Variants in CAV1 observed in about 807,000 individuals in gnomAD.
The protein encoded by CAV1 is caveolin 1.
Under a neutral mutation model 16.5 loss-of-function variants are expected in CAV1, and 10 were observed. The ratio of observed to expected loss-of-function variants is 0.61; its 90% CI spans 0.37 to 1.03. The LOEUF (loss-of-function observed/expected upper bound fraction) is 1.03. Among genes scored for constraint, CAV1 ranks in the 50% least tolerant of loss-of-function variants. CAV1 has a pLI of 0.01. For missense variants in CAV1, 212 were observed against 232.8 expected, an observed-to-expected ratio of 0.91 and a Z score of 0.58; for synonymous variants, 76 against 85.1, an observed-to-expected ratio of 0.89 and a Z score of 0.59.
chr7:116,542,166 G>A (rs1463983268), intron 2 of CAV1, among the ~76,000 whole-genome samples: 2 of 152,332 alleles, frequency 1.3e-5, no homozygotes, highest in South Asian at 2.1e-4. Context: ...TGGCAAGCCT[G>A]CCCATCCACT....
At chr7:116,527,892 A>T (rs999213984) in intron 2 of CAV1, among the ~76,000 whole-genome samples, 2 of 151,716 alleles carry the variant, frequency 1.3e-5, no homozygotes, top group African/African-American at 4.8e-5. Flanking sequence ...GTCAGAATTG[A>T]CTCCCTTGGC....
intron 1 of CAV1, 156 bp downstream of exon 1, chr7:116,525,248 G>A (rs1181740481): frequency 3.1e-6 from 5 of 1,606,056 alleles, no homozygotes; most frequent in Non-Finnish European, 4.3e-6. Context: ...ATGGGCCTGG[G>A]CGGGGAGGTG....
intron 2 of CAV1, among the ~76,000 whole-genome samples, chr7:116,536,475 A>G (rs189160749): frequency 6.6e-6 from 1 of 152,332 alleles, no homozygotes; most frequent in East Asian, 1.9e-4. Flanking sequence ...GAGAGTTCTC[A>G]GCAGTCTCCA....
intron 2 of CAV1, among the ~76,000 whole-genome samples, chr7:116,532,295 G>T (rs953446763): frequency 6.6e-6 from 1 of 152,186 alleles, no homozygotes; most frequent in Non-Finnish European, 1.5e-5. Context: ...GCCCACTCAA[G>T]TCCATAAAAT....
intron 2 of CAV1, among the ~76,000 whole-genome samples, chr7:116,546,702 A>AAAAAAAAAT (rs754539592): frequency 1.4e-5 from 2 of 142,952 alleles, no homozygotes; most frequent in African/African-American, 5.3e-5. Flanking sequence ...TGTCACAAAA[A>AAAAAAAAAT]AAAAAAAAAA....
chr7:116,546,607 G>A (rs1794052280), intron 2 of CAV1, among the ~76,000 whole-genome samples: 1 of 150,964 alleles, frequency 6.6e-6, no homozygotes. Flanking sequence ...TGAGGCAGGA[G>A]AATCGCTTGA....
chr7:116,550,553 A>G (rs1794138576), intron 2 of CAV1, among the ~76,000 whole-genome samples: 1 of 152,182 alleles, frequency 6.6e-6, no homozygotes, highest in South Asian at 2.1e-4. Context: ...CAATTAGAGC[A>G]AAGTTCCTAT....
chr7:116,525,255 G>T, intron 1 of CAV1, 163 bp downstream of exon 1: 1 of 1,601,676 alleles, frequency 6.2e-7, no homozygotes. Context: ...TGGGCGGGGA[G>T]GTGAAGAGAA....
At chr7:116,556,721 T>G in intron 2 of CAV1, among the ~76,000 whole-genome samples, 1 of 152,176 alleles carries the variant, frequency 6.6e-6, no homozygotes, top group East Asian at 1.9e-4. Context: ...GTAAATTGCT[T>G]CCTAACCTTC....
chr7:116,525,919 CAA>C, intron 1 of CAV1: 1 of 836,832 alleles, frequency 1.2e-6, no homozygotes, highest in Non-Finnish European at 1.4e-6. Context: ...CGTGGAGGGA[CAA>C]GAGAGGGCCG....
At chr7:116,535,468 A>G (rs887245761) in intron 2 of CAV1, among the ~76,000 whole-genome samples, 1 of 152,188 alleles carries the variant, frequency 6.6e-6, no homozygotes, top group Non-Finnish European at 1.5e-5. Flanking sequence ...TCCTTCCATC[A>G]CATATTTTCT....
chr7:116,535,150 A>G (rs138493578), intron 2 of CAV1, among the ~76,000 whole-genome samples: 1 of 152,358 alleles, frequency 6.6e-6, no homozygotes. Flanking sequence ...AGGCATGCTC[A>G]GAAGTGTCCC....
chr7:116,526,819 C>T (rs1005787670), intron 2 of CAV1, 130 bp downstream of exon 2: 1 of 1,071,210 alleles, frequency 9.3e-7, no homozygotes, highest in Non-Finnish European at 1.4e-6. Flanking sequence ...CACACACACA[C>T]ACAGAGTTTT....
rs565499793 is a variant in CAV1, at chr7:116,559,417, A to T, written c.*130A>T. 5.2e-5 allele frequency: 36 copies of T among 697,258 alleles called. No individual in the cohort carries two copies. Among genetic ancestry groups the T allele is most frequent in the Admixed American group, 1.1e-4 (5 of 44,046 alleles). The allele number at this position is 697,258 out of a possible 1,614,324, so 43.2% of individuals were successfully genotyped here. A position where few individuals can be genotyped will look rare whatever the true frequency, so the allele number is the denominator to read the frequency against. ...AATTATCTTGGTTGAAAATAAAAAG[A>T]TCACTTTCTCAGTTTTCATAAGTAT... is the stretch of plus-strand genomic sequence containing the variant. On this transcript the variant is annotated 3_prime_UTR_variant, in exon 3 of 3. Transcript: ENST00000341049.
intron 2 of CAV1, among the ~76,000 whole-genome samples, chr7:116,532,399 T>A (rs1231559534): frequency 6.6e-6 from 1 of 152,220 alleles, no homozygotes; most frequent in East Asian, 1.9e-4. Context: ...AAACAGCTGG[T>A]CTCTAAGAGG....
chr7:116,547,802 T>G (rs2116049836), intron 2 of CAV1, among the ~76,000 whole-genome samples: 1 of 152,218 alleles, frequency 6.6e-6, no homozygotes, highest in East Asian at 1.9e-4. Context: ...GCCCTAAACG[T>G]TTTGCATAAA....
chr7:116,558,029 A>T (rs1794327696), intron 2 of CAV1, among the ~76,000 whole-genome samples: 1 of 151,958 alleles, frequency 6.6e-6, no homozygotes, highest in Admixed American at 6.6e-5. Context: ...CACATTTCCA[A>T]CGTCCCATTG....
chr7:116,551,132 C>G (rs183032425), intron 2 of CAV1, among the ~76,000 whole-genome samples: 3 of 152,274 alleles, frequency 2.0e-5, no homozygotes, highest in African/African-American at 4.8e-5. Flanking sequence ...ATACAGATCC[C>G]CAGGCCCCAC....
At chr7:116,554,862 A>C (rs1413145789) in intron 2 of CAV1, among the ~76,000 whole-genome samples, 1 of 152,168 alleles carries the variant, frequency 6.6e-6, no homozygotes, top group African/African-American at 2.4e-5. Context: ...CAAATAAGAC[A>C]ATTGTAAAGG....
Sources: allele counts gnomAD v4.1 joint callset (sites outside exome capture counted in the v4.1 genomes callset), GRCh38; gene constraint gnomAD v4.1.1; transcripts MANE v1.5; gene names NCBI Gene and HGNC (gene_info 2026-07-23, HGNC 2026-07-21).